Variants in GCSAML observed in about 807,000 individuals in gnomAD.
GCSAML encodes the protein germinal center associated signaling and motility like.
In GCSAML, 9 loss-of-function variants were observed where a neutral mutation model predicts 13.0. The observed-to-expected ratio is 0.69, with a 90% confidence interval of 0.42 to 1.21. The LOEUF is 1.21. Ranked by LOEUF, GCSAML falls within the 50% of genes most tolerant of loss-of-function variation. The probability of loss-of-function intolerance (pLI) is 0.00; values close to 1 mark genes in which losing one functional copy is unlikely to be tolerated. For missense variants in GCSAML, 143 were observed against 153.4 expected, an observed-to-expected ratio of 0.93 and a Z score of 0.36; for synonymous variants, 37 against 52.9, an observed-to-expected ratio of 0.70 and a Z score of 1.31.
At chr1:247,567,890 C>T (rs1668449444) in intron 4 of GCSAML, among the ~76,000 whole-genome samples, 1 of 152,174 alleles carries the variant, frequency 6.6e-6, no homozygotes, top group Non-Finnish European at 1.5e-5. Flanking sequence ...GAGATGGTAT[C>T]TCATTGTGGT....
intron 4 of GCSAML, among the ~76,000 whole-genome samples, chr1:247,566,236 A>G (rs536629288): frequency 3.9e-5 from 6 of 151,928 alleles, no homozygotes; most frequent in African/African-American, 7.3e-5. Flanking sequence ...GCTGAAGTCT[A>G]ATTTTATTTA....
intron 4 of GCSAML, 58 bp from the exon 5 acceptor site, chr1:247,574,085 G>A: frequency 1.3e-6 from 2 of 1,595,724 alleles, no homozygotes; most frequent in Non-Finnish European, 1.7e-6. Flanking sequence ...GTAGTACACT[G>A]AGTTCAATTT....
chr1:247,564,751 C>CT (rs999770486), intron 3 of GCSAML, among the ~76,000 whole-genome samples: 2 of 152,136 alleles, frequency 1.3e-5, no homozygotes, highest in Non-Finnish European at 2.9e-5. Flanking sequence ...ACGTTGCTAA[C>CT]TAACAAGCAA....
In GCSAML at chr1:247,527,137, G is replaced by A; in HGVS notation, c.-148+83G>A. 2.2e-6 allele frequency: 1 copy of A among 449,398 alleles called. No individual in the cohort carries two copies. Among genetic ancestry groups the A allele is most frequent in the Non-Finnish European group, 4.5e-6 (1 of 223,334 alleles). 27.8% of individuals were successfully genotyped at this position (449,398 alleles called of 1,614,324 possible). A position where few individuals can be genotyped will look rare whatever the true frequency, so the allele number is the denominator to read the frequency against. ...CTGTTAAGCATTTAGGGAGCAGTTG[G>A]GTGAGCACATGACCAATCAGCCTGA... is the stretch of plus-strand genomic sequence containing the variant. On this transcript the variant is annotated intron_variant, in intron 2 of 5. Coordinates refer to the GCSAML transcript ENST00000366489. The surrounding 1 kb of genome is among the most constrained non-coding windows in gnomAD (Gnocchi z 4.6).
chr1:247,531,720 G>C (rs781174311), intron 2 of GCSAML: 1 of 1,614,180 alleles, frequency 6.2e-7, no homozygotes, highest in South Asian at 1.1e-5. Flanking sequence ...AGGTGCTCTT[G>C]GCTGGCTGGA....
rs746343998 is a variant in GCSAML, at chr1:247,543,543, C to T, written c.-147-5502C>T. On this transcript the variant is annotated intron_variant, in intron 2 of 5. Transcript: ENST00000366489. ...TGGAAATTATCCCCCATGGATAAGG[C>T]GGAACACTGTATTATAGTAATTATC... is the stretch of plus-strand genomic sequence containing the variant. Among the ~76,000 whole-genome samples the T allele has an allele frequency of 2.0e-5, 3 of 151,992 alleles. No individual in the cohort carries two copies. In the South Asian group the frequency reaches 6.2e-4, roughly 32 times the overall value.
intron 1 of GCSAML, among the ~76,000 whole-genome samples, chr1:247,556,114 C>T (rs1667936506): frequency 6.6e-6 from 1 of 152,144 alleles, no homozygotes; most frequent in African/African-American, 2.4e-5. Flanking sequence ...TTCCTGGGAG[C>T]TCTCACCTCT....
chr1:247,541,786 G>T (rs1338723178), intron 2 of GCSAML, among the ~76,000 whole-genome samples: 2 of 152,046 alleles, frequency 1.3e-5, no homozygotes, highest in Non-Finnish European at 2.9e-5. Context: ...GAGGTGGGCG[G>T]ATCACTTGAG....
At chr1:247,535,493 A>G (rs1044266589) in intron 2 of GCSAML, among the ~76,000 whole-genome samples, 13 of 152,252 alleles carry the variant, frequency 8.5e-5, no homozygotes, top group African/African-American at 3.1e-4. Context: ...GGTGAGCTGA[A>G]AAACAACAGG....
chr1:247,556,731 G>T (rs1234619390), intron 2 of GCSAML, among the ~76,000 whole-genome samples: 1 of 152,100 alleles, frequency 6.6e-6, no homozygotes, highest in Non-Finnish European at 1.5e-5. Context: ...AAGGATGTTT[G>T]GTTTTGGTTG....
At chr1:247,537,418 C>A (rs1330906757) in intron 2 of GCSAML, among the ~76,000 whole-genome samples, 1 of 152,102 alleles carries the variant, frequency 6.6e-6, no homozygotes, top group Non-Finnish European at 1.5e-5. Context: ...TTGTTTCTAC[C>A]TTTTGGCTAT....
At position 247,563,619 on chromosome 1, in the gene GCSAML, TTCAAGA is replaced by T; in HGVS notation, c.127_132del (p.Gln43_Asp44del). 3 of 1,582,784 alleles carry T rather than the reference TTCAAGA, an allele frequency of 1.9e-6. No individual in the cohort carries two copies. The highest frequency in any genetic ancestry group is 2.2e-5 in the East Asian group (1 of 44,564). On this transcript the variant is annotated inframe_deletion, in exon 3 of 5. Coordinates refer to ENST00000366488, the MANE Select transcript of GCSAML (RefSeq NM_145278.5). Reference sequence around the variant, plus strand: ...GAAATGACTACATTTGAAAGAAAACTTCAAGATCAAGATAAGAAAAGTAAGTCATGG... The same window carrying T: ...GAAATGACTACATTTGAAAGAAAACTTCAAGATAAGAAAAGTAAGTCATGG...
rs997388394 is a variant in GCSAML, at chr1:247,526,237, T to C, written c.-262-703T>C. On this transcript the variant is annotated intron_variant, in intron 1 of 5. Coordinates refer to the GCSAML transcript ENST00000366489. The surrounding 1 kb of genome is among the most constrained non-coding windows in gnomAD (Gnocchi z 4.8). ...TTTCTGAATTCTTGCATTCCTTTCTTACCATGAGAAGCTTGCCATGTTGAG... is the reference window on the plus strand; with the variant it reads ...TTTCTGAATTCTTGCATTCCTTTCTCACCATGAGAAGCTTGCCATGTTGAG... The C allele has an allele frequency of 2.0e-5, 3 of 152,224 alleles. No homozygotes were observed. Among genetic ancestry groups the C allele is most frequent in the African/African-American group, 7.2e-5 (3 of 41,464 alleles). The allele number at this position is 152,224 out of a possible 1,614,324, so 9.4% of individuals were successfully genotyped here.
chr1:247,508,885 T>C (rs750732848), intron 1 of GCSAML, among the ~76,000 whole-genome samples: 3 of 152,210 alleles, frequency 2.0e-5, no homozygotes, highest in East Asian at 1.9e-4. Flanking sequence ...ACCGGTATCA[T>C]GCTATTTTGG....
upstream of GCSAML, among the ~76,000 whole-genome samples, chr1:247,546,503 T>C (rs543779112): frequency 5.7e-3 from 863 of 151,992 alleles, 9 homozygotes; most frequent in African/African-American, 0.018. Flanking sequence ...GGACTACAGG[T>C]GCCCGCCACC....
chr1:247,518,632 G>T (rs1286856367), intron 1 of GCSAML: 2 of 152,296 alleles, frequency 1.3e-5, no homozygotes, highest in Non-Finnish European at 2.9e-5. Flanking sequence ...CTCACCCCGC[G>T]ATTTCGTGTG....
intron 4 of GCSAML, 103 bp from the exon 5 acceptor site, chr1:247,574,040 A>G: frequency 1.5e-6 from 2 of 1,319,496 alleles, no homozygotes; most frequent in Non-Finnish European, 2.1e-6. Context: ...CCTTAAGTGT[A>G]AGAGCACCAT....
chr1:247,554,445 A>G (rs926032387), intron 1 of GCSAML, among the ~76,000 whole-genome samples: 1 of 151,944 alleles, frequency 6.6e-6, no homozygotes, highest in African/African-American at 2.4e-5. Flanking sequence ...GTTCCCTATC[A>G]TATTTATTTT....
intron 2 of GCSAML, chr1:247,530,500 C>G (rs1023401252): frequency 7.0e-6 from 1 of 143,666 alleles, no homozygotes; most frequent in African/African-American, 2.5e-5. Flanking sequence ...CTGAACCAGT[C>G]CACAAACACC....
Sources: allele counts gnomAD v4.1 joint callset (sites outside exome capture counted in the v4.1 genomes callset), GRCh38; gene constraint gnomAD v4.1.1; non-coding constraint Gnocchi (gnomAD v3.1); transcripts MANE v1.5; gene names NCBI Gene and HGNC (gene_info 2026-07-23, HGNC 2026-07-21).